TJP1: variants seen among roughly 807,000 people sequenced by gnomAD.
The protein encoded by TJP1 is tight junction protein ZO-1.
Under a neutral mutation model 194.2 loss-of-function variants are expected in TJP1, and 43 were observed. That is an observed-to-expected ratio of 0.22 (90% CI 0.17 to 0.29). The LOEUF is 0.29. TJP1 is among the 10% of genes least tolerant of loss of function. The pLI, the probability that TJP1 is intolerant of heterozygous loss-of-function variation, is 1.00. For synonymous variants in TJP1, 801 were observed against 779.0 expected (o/e 1.03, Z -0.47); for missense variants, 1,971 against 2,185.7 (o/e 0.90, Z 1.96).
At chr15:29,906,569 G>T (rs946180899) in intron 2 of TJP1, among the ~76,000 whole-genome samples, 10 of 151,670 alleles carry the variant, frequency 6.6e-5, no homozygotes, top group Admixed American at 5.9e-4. Context: ...GGGTTTTTTT[G>T]TTGTTGTTTT....
intron 2 of TJP1, among the ~76,000 whole-genome samples, chr15:29,907,387 T>C (rs1191604617): frequency 6.6e-6 from 1 of 151,970 alleles, no homozygotes; most frequent in Non-Finnish European, 1.5e-5. Context: ...CCAGCCTGGG[T>C]GACAGAGCGA....
intron 1 of TJP1, among the ~76,000 whole-genome samples, chr15:29,809,727 T>C (rs2049357476): frequency 6.6e-6 from 1 of 151,908 alleles, no homozygotes; most frequent in African/African-American, 2.4e-5. Context: ...ATGCCTGCAA[T>C]CCCAGCTACT....
At chr15:29,815,011 T>C (rs1413323768) in intron 1 of TJP1, among the ~76,000 whole-genome samples, 1 of 152,184 alleles carries the variant, frequency 6.6e-6, no homozygotes, top group African/African-American at 2.4e-5. Context: ...TGTGTTCTTG[T>C]GGTAAAGGCA....
intron 23 of TJP1, among the ~76,000 whole-genome samples, chr15:29,712,828 G>C (rs1411197094): frequency 2.0e-5 from 3 of 150,454 alleles, no homozygotes; most frequent in African/African-American, 7.3e-5. Flanking sequence ...AAAAAAAAAG[G>C]CTGGGCAAAG....
At chr15:29,850,969 C>T (rs1013519076) in intron 2 of TJP1, among the ~76,000 whole-genome samples, 1 of 152,184 alleles carries the variant, frequency 6.6e-6, no homozygotes, top group East Asian at 1.9e-4. Context: ...GAAACGCTGT[C>T]TCTACTAAAA....
At chr15:29,714,642 G>A (rs2042447726) in intron 23 of TJP1, among the ~76,000 whole-genome samples, 2 of 145,450 alleles carry the variant, frequency 1.4e-5, no homozygotes, top group South Asian at 2.2e-4. Context: ...CCGGGTTCAC[G>A]CCATTCTCCT....
chr15:29,846,963 G>A (rs2051436034), intron 2 of TJP1, among the ~76,000 whole-genome samples: 1 of 152,152 alleles, frequency 6.6e-6, no homozygotes, highest in African/African-American at 2.4e-5. Context: ...AACAAGGGCT[G>A]AGATCAAGGA....
Position 29,968,268 on chromosome 15 carries a change from T to C in TJP1, c.173+399A>G, listed in dbSNP as rs987621116. ...AAATAACTGAAAACGCACACCGTGATACCAATGAATTCTTCTGCTGTCTCC... is the reference window on the plus strand; with the variant it reads ...AAATAACTGAAAACGCACACCGTGACACCAATGAATTCTTCTGCTGTCTCC... On this transcript the variant is annotated intron_variant, in intron 1 of 28. Coordinates refer to the TJP1 transcript ENST00000356107. 7.1e-6 allele frequency: 7 copies of C among 985,092 alleles called. No individual in the cohort carries two copies. The African/African-American group carries it at 8.8e-5, about 12-fold the overall frequency. The allele number at this position is 985,092 out of a possible 1,614,324, so 61.0% of individuals were successfully genotyped here.
At chr15:29,803,518 G>A (rs867973281) in intron 1 of TJP1, among the ~76,000 whole-genome samples, 3 of 152,212 alleles carry the variant, frequency 2.0e-5, no homozygotes, top group East Asian at 3.9e-4. Context: ...CATTTTTGAC[G>A]TAAAGTATTT....
downstream of TJP1, chr15:29,699,729 T>G (rs1360481470): frequency 6.6e-6 from 1 of 152,376 alleles, no homozygotes; most frequent in Non-Finnish European, 1.5e-5. Context: ...ATGGAATATT[T>G]ATGCTCACTA....
intron 1 of TJP1, chr15:29,821,328 G>A (rs1455294767): frequency 6.6e-6 from 1 of 152,122 alleles, no homozygotes; most frequent in Non-Finnish European, 1.5e-5. Context: ...TCATCTTATT[G>A]TCCATTCGTA....
intron 1 of TJP1, among the ~76,000 whole-genome samples, chr15:29,963,801 G>C (rs1426709242): frequency 6.6e-6 from 1 of 152,028 alleles, no homozygotes; most frequent in Non-Finnish European, 1.5e-5. Context: ...CTACAGGTAC[G>C]CGCCATCACG....
chr15:29,730,769 C>G lies in TJP1; in HGVS notation c.2017+1664G>C, dbSNP rs562050070. On this transcript the variant is annotated intron_variant, in intron 15 of 27. Transcript: ENST00000614355. ...AGGGAGATAAAGCCAAGGTGAAGGA[C>G]GAACCACAGAGAAGATCCGCGAGGT... 3.0e-4 allele frequency: 227 copies of G among 769,462 alleles called. No individual in the cohort carries two copies. The African/African-American group carries it at 3.3e-3, about 11-fold the overall frequency. 47.7% of individuals were successfully genotyped at this position (769,462 alleles called of 1,614,324 possible). A position where few individuals can be genotyped will look rare whatever the true frequency, so the allele number is the denominator to read the frequency against.
At chr15:29,733,416 C>A in intron 12 of TJP1, 103 bp from the exon 13 acceptor site, 3 of 816,354 alleles carry the variant, frequency 3.7e-6, no homozygotes, top group Non-Finnish European at 5.7e-6. Context: ...ATAATAATAT[C>A]CAACAAATTC....
At chr15:29,797,219 G>C (rs150672108) in intron 2 of TJP1, among the ~76,000 whole-genome samples, 144 of 152,272 alleles carry the variant, frequency 9.5e-4, no homozygotes, top group African/African-American at 3.4e-3. Flanking sequence ...CACGATGTCA[G>C]GGTCATTGCA....
rs564705954 is a variant in TJP1 at position 29,928,720 on chromosome 15, G to C, written c.306+27512C>G. 8.5e-5 allele frequency among the ~76,000 whole-genome samples: 13 copies of C among 152,264 alleles called. No homozygotes were observed. The East Asian group carries it at 2.5e-3, about 29-fold the overall frequency. ...GCACTTTGGGAGGCCAAGGCGGGCA[G>C]ATCACGAGGTCAGGAGATCGAGACC... On this transcript the variant is annotated intron_variant, in intron 2 of 28. Transcript: ENST00000356107.
At chr15:29,871,069 A>C (rs933543369) in intron 2 of TJP1, among the ~76,000 whole-genome samples, 3 of 151,966 alleles carry the variant, frequency 2.0e-5, no homozygotes, top group Non-Finnish European at 4.4e-5. Context: ...AGCTCTGAAT[A>C]CTCCGCTGTG....
chr15:29,819,688 A>G (rs1323353680), intron 1 of TJP1, among the ~76,000 whole-genome samples: 1 of 152,226 alleles, frequency 6.6e-6, no homozygotes, highest in African/African-American at 2.4e-5. Context: ...ACTAGAAGAC[A>G]CTGACTTGGG....
Position 29,718,802 on chromosome 15 carries a change from G to C in TJP1, c.3340C>G (p.Leu1114Val). The C allele has an allele frequency of 6.2e-7, 1 of 1,614,190 alleles. No homozygotes were observed. Among genetic ancestry groups the C allele is most frequent in the African/African-American group, 1.3e-5 (1 of 75,056 alleles). Residue 1114 changes from leucine (L) to valine (V), a missense_variant, in exon 21 of 28, where the codon CTT (leucine) becomes GTT (valine). Physicochemically the swap from Leu to Val is conservative, Grantham distance 32 (BLOSUM62 1). Transcript: ENST00000614355. The stretch of plus-strand genomic sequence containing the variant: ...TCTTCGGGATGCTGTCTGGAGTCAA[G>C]GTCTTGAGAGTGCTGATTATCAAAA... ...PPFDNQHSQD[L>V]DSRQHPEESS...
Sources: gnomAD v4.1 joint callset for allele counts (sites outside exome capture counted in the v4.1 genomes callset) on GRCh38, gnomAD v4.1.1 for gene constraint, MANE v1.5 for transcripts, NCBI Gene and HGNC (gene_info 2026-07-23, HGNC 2026-07-21) for gene names.